Variants in PPFIA2 observed in about 807,000 individuals in gnomAD.
PPFIA2 encodes the protein PPFI scaffold protein A2.
In PPFIA2, 46 loss-of-function variants were observed where a neutral mutation model predicts 175.5. The observed-to-expected ratio is 0.26, with a 90% confidence interval of 0.21 to 0.34. The LOEUF (loss-of-function observed/expected upper bound fraction) is 0.34. Ranked by LOEUF, PPFIA2 falls within the 10% of genes least tolerant of loss-of-function variation. The probability of loss-of-function intolerance (pLI) is 1.00; values close to 1 mark genes in which losing one functional copy is unlikely to be tolerated. For synonymous variants in PPFIA2, 568 were observed against 511.4 expected (o/e 1.11, Z -1.49); for missense variants, 1,179 against 1,506.1 (o/e 0.78, Z 3.60).
At chr12:81,325,431 G>A (rs758761909) in intron 22 of PPFIA2, among the ~76,000 whole-genome samples, 1 of 152,052 alleles carries the variant, frequency 6.6e-6, no homozygotes, top group Non-Finnish European at 1.5e-5. Flanking sequence ...ATTGCCATGA[G>A]AGAAAACAAA....
chr12:81,697,059 C>A (rs149509353), intron 3 of PPFIA2, among the ~76,000 whole-genome samples: 2 of 152,172 alleles, frequency 1.3e-5, no homozygotes, highest in East Asian at 1.9e-4. Context: ...CATAGACAGA[C>A]AATGCCTAAT....
intron 3 of PPFIA2, among the ~76,000 whole-genome samples, chr12:81,721,700 T>A (rs781578837): frequency 6.6e-6 from 1 of 151,294 alleles, no homozygotes; most frequent in Non-Finnish European, 1.5e-5. Flanking sequence ...AAGTCTTTTA[T>A]AAAAGCAACT....
intron 4 of PPFIA2, among the ~76,000 whole-genome samples, chr12:81,562,339 G>T (rs1353673759): frequency 1.3e-5 from 2 of 152,078 alleles, no homozygotes; most frequent in Non-Finnish European, 2.9e-5. Context: ...TATAATTATA[G>T]CCAAAAATAA....
intron 7 of PPFIA2, among the ~76,000 whole-genome samples, chr12:81,422,124 G>GTGTGTATATATA (rs1235863772): frequency 1.5e-5 from 2 of 133,430 alleles, no homozygotes; most frequent in Non-Finnish European, 3.1e-5. Flanking sequence ...GTATATATAT[G>GTGTGTATATATA]TGTGTATATA....
At chr12:81,408,787 T>C (rs1293080780) in intron 7 of PPFIA2, among the ~76,000 whole-genome samples, 4 of 152,206 alleles carry the variant, frequency 2.6e-5, no homozygotes, top group Admixed American at 2.0e-4. Context: ...GAATCAAGGC[T>C]AAAAATGTTG....
chr12:81,271,782 A>T (rs897581693), intron 28 of PPFIA2, among the ~76,000 whole-genome samples: 1 of 152,092 alleles, frequency 6.6e-6, no homozygotes, highest in African/African-American at 2.4e-5. Flanking sequence ...TAAGTCCTGC[A>T]GATATTATTT....
intron 8 of PPFIA2, among the ~76,000 whole-genome samples, chr12:81,386,336 A>T (rs1384172650): frequency 6.6e-6 from 1 of 151,352 alleles, no homozygotes; most frequent in East Asian, 1.9e-4. Context: ...AAGAAAAGAA[A>T]GTATGGGCTG....
chr12:81,571,793 T>C (rs1030657508), intron 4 of PPFIA2, among the ~76,000 whole-genome samples: 5 of 152,144 alleles, frequency 3.3e-5, no homozygotes, highest in Admixed American at 2.6e-4. Flanking sequence ...TTTCACTTTT[T>C]TTCTGGGCCT....
At chr12:81,652,840 A>G (rs185947720) in intron 4 of PPFIA2, among the ~76,000 whole-genome samples, 10 of 152,204 alleles carry the variant, frequency 6.6e-5, no homozygotes, top group Admixed American at 1.3e-4. Context: ...ACGCCAAACT[A>G]AAGAACATTG....
chr12:81,724,477 C>T (rs1315324857), intron 3 of PPFIA2, among the ~76,000 whole-genome samples: 2 of 150,802 alleles, frequency 1.3e-5, no homozygotes, highest in Admixed American at 6.6e-5. Context: ...CAACCCCCTC[C>T]CACTCTCTCA....
At chr12:81,591,398 T>A (rs1464120259) in intron 4 of PPFIA2, among the ~76,000 whole-genome samples, 1 of 152,136 alleles carries the variant, frequency 6.6e-6, no homozygotes, top group Non-Finnish European at 1.5e-5. Context: ...GAGGAGAAAT[T>A]CAAGCCGGCT....
chr12:81,598,934 C>A (rs2059528804), intron 4 of PPFIA2, among the ~76,000 whole-genome samples: 1 of 151,884 alleles, frequency 6.6e-6, no homozygotes. Flanking sequence ...TAATCACAAC[C>A]TTATTTCATA....
chr12:81,701,877 C>T (rs2076522076), intron 3 of PPFIA2, among the ~76,000 whole-genome samples: 2 of 122,658 alleles, frequency 1.6e-5, no homozygotes, highest in South Asian at 5.4e-4. Context: ...TCATTTAAAT[C>T]AACCCATAAG....
intron 4 of PPFIA2, among the ~76,000 whole-genome samples, chr12:81,516,410 G>C (rs186799367): frequency 6.6e-6 from 1 of 152,072 alleles, no homozygotes; most frequent in Non-Finnish European, 1.5e-5. Flanking sequence ...GTTGTTATGG[G>C]TTGAGTTGTG....
intron 4 of PPFIA2, among the ~76,000 whole-genome samples, chr12:81,489,250 A>C (rs551612537): frequency 9.2e-5 from 14 of 151,916 alleles, no homozygotes; most frequent in African/African-American, 3.4e-4. Flanking sequence ...GTATCTATAT[A>C]TACATCTAAT....
At chr12:81,318,613 T>C (rs557369046) in intron 22 of PPFIA2, among the ~76,000 whole-genome samples, 1 of 151,884 alleles carries the variant, frequency 6.6e-6, no homozygotes, top group South Asian at 2.1e-4. Flanking sequence ...AATCTGATGT[T>C]CTTATTTAAA....
Position 81,550,120 on chromosome 12 carries a change from G to C in PPFIA2, c.304-92254C>G, listed in dbSNP as rs528355188. 5.3e-5 allele frequency among the ~76,000 whole-genome samples: 8 copies of C among 152,024 alleles called. No homozygotes were observed. In the South Asian group the frequency reaches 1.7e-3, roughly 32 times the overall value. ...CTTAGCAGGAGGCACTAGAGACTTA[G>C]AGTAAATGACAAAAATCTCTGCCCT... On this transcript the variant is annotated intron_variant, in intron 4 of 32. Coordinates refer to ENST00000549396, the MANE Select transcript of PPFIA2 (RefSeq NM_003625.5).
At chr12:81,614,674 T>G (rs1305872894) in intron 4 of PPFIA2, among the ~76,000 whole-genome samples, 1 of 152,162 alleles carries the variant, frequency 6.6e-6, no homozygotes, top group African/African-American at 2.4e-5. Flanking sequence ...TCCAAGAATT[T>G]TATTTAAAGA....
At chr12:81,752,968 T>C (rs1437628852) in intron 3 of PPFIA2, among the ~76,000 whole-genome samples, 4 of 151,816 alleles carry the variant, frequency 2.6e-5, no homozygotes, top group Non-Finnish European at 4.4e-5. Context: ...GTGGAGTCTC[T>C]TTCTGTCCCA....
Sources: gnomAD v4.1 joint callset for allele counts (sites outside exome capture counted in the v4.1 genomes callset) on GRCh38, gnomAD v4.1.1 for gene constraint, MANE v1.5 for transcripts, NCBI Gene and HGNC (gene_info 2026-07-23, HGNC 2026-07-21) for gene names.